The following CDH4 variants were observed in gnomAD, a reference collection of about 807,000 sequenced individuals.
The protein encoded by CDH4 is cadherin-4.
CDH4 carries 33 observed loss-of-function variants against 86.0 expected under a neutral mutation model. The observed-to-expected ratio is 0.38, with a 90% confidence interval of 0.29 to 0.51. The LOEUF is 0.51. Among genes scored for constraint, CDH4 ranks in the 20% least tolerant of loss-of-function variants. The pLI, the probability that CDH4 is intolerant of heterozygous loss-of-function variation, is 0.86. For synonymous variants in CDH4, 555 were observed against 549.4 expected (o/e 1.01, Z -0.14); for missense variants, 1,114 against 1,307.4 (o/e 0.85, Z 2.28).
chr20:61,326,601 A>G (rs2084538098), intron 2 of CDH4, among the ~76,000 whole-genome samples: 2 of 152,344 alleles, frequency 1.3e-5, no homozygotes, highest in African/African-American at 4.8e-5. Context: ...TCCTTGATCC[A>G]GAAGGCACAC....
chr20:61,922,235 G>C (rs2054990738), intron 9 of CDH4, among the ~76,000 whole-genome samples: 1 of 152,240 alleles, frequency 6.6e-6, no homozygotes, highest in Non-Finnish European at 1.5e-5. Context: ...GACACAATGT[G>C]TTGTGTTTTT....
At chr20:61,564,509 C>G (rs928731565) in intron 2 of CDH4, among the ~76,000 whole-genome samples, 3 of 152,102 alleles carry the variant, frequency 2.0e-5, no homozygotes, top group South Asian at 2.1e-4. Flanking sequence ...GGCACCTCCC[C>G]CTCCCTCGTG....
chr20:61,300,259 G>A (rs577582830), intron 2 of CDH4, among the ~76,000 whole-genome samples: 1 of 152,230 alleles, frequency 6.6e-6, no homozygotes, highest in East Asian at 1.9e-4. Context: ...GGCAATCGGC[G>A]GGTAAAGGGA....
intron 4 of CDH4, among the ~76,000 whole-genome samples, chr20:61,779,484 G>A (rs1244768746): frequency 6.6e-6 from 1 of 152,214 alleles, no homozygotes; most frequent in Non-Finnish European, 1.5e-5. Context: ...ACAATCACAG[G>A]TGCGCAGCCA....
At position 61,399,979 on chromosome 20, in the gene CDH4, A is replaced by T. The variant is rs554238798; in HGVS notation, c.169+145042A>T. 1.1e-4 allele frequency among the ~76,000 whole-genome samples: 16 copies of T among 152,268 alleles called. No individual in the cohort carries two copies. The South Asian group carries it at 3.3e-3, about 32-fold the overall frequency. The stretch of plus-strand genomic sequence containing the variant: ...GACCAGTGGTAGGGGGAATAGCTGG[A>T]TGGGCCCATTTTTACCAGGATCCCT... On this transcript the variant is annotated intron_variant, in intron 2 of 15. Coordinates refer to ENST00000614565, the MANE Select transcript of CDH4 (RefSeq NM_001794.5).
At chr20:61,344,175 G>A (rs1355477021) in intron 2 of CDH4, among the ~76,000 whole-genome samples, 2 of 152,154 alleles carry the variant, frequency 1.3e-5, no homozygotes, top group Non-Finnish European at 2.9e-5. Flanking sequence ...GCCTCGAAGG[G>A]CGAGTGGAAT....
At position 61,651,436 on chromosome 20, in the gene CDH4, C is replaced by T. The variant is rs7267059; in HGVS notation, c.170-92127C>T. Among the ~76,000 whole-genome samples, 611 of 152,354 alleles carry T rather than the reference C, an allele frequency of 4.0e-3. 3 individuals carry two copies. The highest frequency in any genetic ancestry group is 0.011 in the African/African-American group (472 of 41,596). The stretch of plus-strand genomic sequence containing the variant: ...GGGAGCACCCTTGTGCCTGTCGCGG[C>T]GTTCCTCTCCTTCTGCCGCTTTCCC... On this transcript the variant is annotated intron_variant, in intron 2 of 15. Transcript: ENST00000614565.
chr20:61,812,424 G>T (rs1404746008), intron 4 of CDH4, among the ~76,000 whole-genome samples: 2 of 152,146 alleles, frequency 1.3e-5, no homozygotes, highest in Admixed American at 6.5e-5. Context: ...TTAACAGCCA[G>T]CCCCCAGCAG....
rs566699564 is a variant in CDH4, at chr20:61,811,234, G to A, written c.577-33434G>A. Among the ~76,000 whole-genome samples, 4 of 152,308 alleles carry A rather than the reference G, an allele frequency of 2.6e-5. No homozygotes were observed. Among genetic ancestry groups the A allele is most frequent in the Admixed American group, 6.5e-5 (1 of 15,296 alleles). On this transcript the variant is annotated intron_variant, in intron 4 of 15. Coordinates refer to ENST00000614565, the MANE Select transcript of CDH4 (RefSeq NM_001794.5). This position sits in a 1 kb window ranked among gnomAD's most constrained non-coding sequence, Gnocchi z 4.4. Reference sequence around the variant, plus strand: ...GAACCAGGTGAAGTGAAGAATTGCTGGAGGAAACATCCAAACGGCTTGAAC... The same window carrying A: ...GAACCAGGTGAAGTGAAGAATTGCTAGAGGAAACATCCAAACGGCTTGAAC...
At chr20:61,723,938 G>A (rs1428255439) in intron 2 of CDH4, among the ~76,000 whole-genome samples, 79 of 146,122 alleles carry the variant, frequency 5.4e-4, no homozygotes, top group African/African-American at 1.9e-3. Flanking sequence ...AGGGGGGTAG[G>A]TCCCCATGCA....
At chr20:61,773,382 C>T (rs1294183301) in intron 4 of CDH4, among the ~76,000 whole-genome samples, 200 bp downstream of exon 4, 1 of 152,174 alleles carries the variant, frequency 6.6e-6, no homozygotes, top group Admixed American at 6.5e-5. Context: ...GGTGGATGGG[C>T]CTTTGTGAGT....
chr20:61,406,584 G>C (rs2085084766), intron 2 of CDH4, among the ~76,000 whole-genome samples: 1 of 144,140 alleles, frequency 6.9e-6, no homozygotes, highest in Non-Finnish European at 1.5e-5. Context: ...ACCACCATCT[G>C]CTCTGCCCAG....
At chr20:61,312,031 G>A (rs1280396071) in intron 2 of CDH4, among the ~76,000 whole-genome samples, 1 of 151,934 alleles carries the variant, frequency 6.6e-6, no homozygotes, top group African/African-American at 2.4e-5. Flanking sequence ...GTGTTTGCAT[G>A]GGTGTTGTGT....
intron 2 of CDH4, among the ~76,000 whole-genome samples, chr20:61,540,036 C>T (rs150284420): frequency 1.9e-3 from 286 of 152,244 alleles, no homozygotes; most frequent in Middle Eastern, 0.017. Context: ...CAATTCGATC[C>T]GATTGGTTGG....
At position 61,582,102 on chromosome 20, in the gene CDH4, G is replaced by A. The variant is rs527710910; in HGVS notation, c.170-161461G>A. On this transcript the variant is annotated intron_variant, in intron 2 of 15. Transcript: ENST00000614565. This position sits in a 1 kb window ranked among gnomAD's most constrained non-coding sequence, Gnocchi z 4.2. ...ATCCACTCCCTGTTTTACTTTGCTC[G>A]TGGCCATCATTACCATTGGCGGCAT... Among the ~76,000 whole-genome samples, 11 of 152,168 alleles carry A rather than the reference G, an allele frequency of 7.2e-5. No homozygotes were observed. Among genetic ancestry groups the A allele is most frequent in the Admixed American group, 3.3e-4 (5 of 15,290 alleles).
chr20:61,624,947 C>G (rs2086816510), intron 2 of CDH4, among the ~76,000 whole-genome samples: 1 of 152,218 alleles, frequency 6.6e-6, no homozygotes, highest in Non-Finnish European at 1.5e-5. Context: ...GAGCAGTTGA[C>G]TGGGGCCACA....
intron 2 of CDH4, among the ~76,000 whole-genome samples, chr20:61,396,373 G>A (rs972609686): frequency 2.6e-5 from 4 of 152,116 alleles, no homozygotes; most frequent in Admixed American, 1.3e-4. Context: ...GAGCCTCTGG[G>A]GCCATCATGG....
chr20:61,275,021 TAGGG>T (rs1391047490), intron 2 of CDH4, among the ~76,000 whole-genome samples: 2 of 135,202 alleles, frequency 1.5e-5, no homozygotes, highest in African/African-American at 5.7e-5. Context: ...CATGCGCAGT[TAGGG>T]AGAGCACCAT....
At chr20:61,504,689 G>C (rs2145604963) in intron 2 of CDH4, among the ~76,000 whole-genome samples, 1 of 152,344 alleles carries the variant, frequency 6.6e-6, no homozygotes, top group Admixed American at 6.5e-5. Context: ...GCACAATCTG[G>C]ACGTTGCAGT....
Sources: allele counts gnomAD v4.1 joint callset (sites outside exome capture counted in the v4.1 genomes callset), GRCh38; gene constraint gnomAD v4.1.1; non-coding constraint Gnocchi (gnomAD v3.1); transcripts MANE v1.5; gene names NCBI Gene and HGNC (gene_info 2026-07-23, HGNC 2026-07-21).